Variants in SOS1 observed in about 807,000 individuals in gnomAD.
The protein encoded by SOS1 is SOS Ras/Rac guanine nucleotide exchange factor 1.
Under a neutral mutation model 157.6 loss-of-function variants are expected in SOS1, and 25 were observed. The ratio of observed to expected loss-of-function variants is 0.16; its 90% CI spans 0.12 to 0.22. The LOEUF is 0.22. Among genes scored for constraint, SOS1 ranks in the 10% least tolerant of loss-of-function variants. The probability of loss-of-function intolerance (pLI) is 1.00; values close to 1 mark genes in which losing one functional copy is unlikely to be tolerated. For synonymous variants in SOS1, 528 were observed against 534.0 expected (o/e 0.99, Z 0.16); for missense variants, 1,237 against 1,599.1 (o/e 0.77, Z 3.86).
At chr2:39,051,833 C>T (rs566242270) in intron 5 of SOS1, among the ~76,000 whole-genome samples, 4 of 152,218 alleles carry the variant, frequency 2.6e-5, no homozygotes, top group African/African-American at 7.2e-5. Context: ...TGTTGTGACA[C>T]ATTATTTCAA....
chr2:39,048,926 C>T (rs1480344561), intron 6 of SOS1, among the ~76,000 whole-genome samples: 1 of 152,028 alleles, frequency 6.6e-6, no homozygotes, highest in Non-Finnish European at 1.5e-5. Context: ...TCAGTGTATC[C>T]TTATTACTCT....
intron 1 of SOS1, among the ~76,000 whole-genome samples, chr2:39,096,103 T>G (rs540918075): frequency 6.6e-6 from 1 of 152,246 alleles, no homozygotes; most frequent in African/African-American, 2.4e-5. Flanking sequence ...TTTTAATAAT[T>G]CAGTAAGTAT....
Position 39,006,622 on chromosome 2 carries a change from AGT to A in SOS1, c.2674-95_2674-94del, listed in dbSNP as rs1669290935. The stretch of plus-strand genomic sequence containing the variant: ...GCTAACAGAAACGCCCAAATACAAC[AGT>A]ATCAATTTGATTTTATGACTGTAAC... On this transcript the variant is annotated intron_variant, in intron 16 of 22. Transcript: ENST00000402219. 18 of 749,806 alleles carry A rather than the reference AGT, an allele frequency of 2.4e-5. No individual in the cohort carries two copies. The South Asian group carries it at 2.6e-4, about 11-fold the overall frequency. The allele number at this position is 749,806 out of a possible 1,614,324, so 46.4% of individuals were successfully genotyped here.
chr2:39,120,424 G>A lies in SOS1; in HGVS notation c.-2C>T. The A allele has an allele frequency of 6.3e-7, 1 of 1,585,460 alleles. No individual in the cohort carries two copies. The highest frequency in any genetic ancestry group is 1.1e-5 in the South Asian group (1 of 88,302). On this transcript the variant is annotated 5_prime_UTR_variant, in exon 1 of 23. Transcript: ENST00000402219. ...GTAGGGCAGCTGCTGCGCCTGCATGGTGCCCCCGGGGCGCCTCTGGGCGGG... is the reference window on the plus strand; with the variant it reads ...GTAGGGCAGCTGCTGCGCCTGCATGATGCCCCCGGGGCGCCTCTGGGCGGG...
intron 10 of SOS1, among the ~76,000 whole-genome samples, chr2:39,020,229 T>C (rs986768665): frequency 8.6e-5 from 13 of 151,668 alleles, no homozygotes; most frequent in African/African-American, 2.9e-4. Context: ...TATAGCTCCA[T>C]TTTGTACATT....
chr2:39,020,668 A>G (rs1669768713), intron 10 of SOS1, among the ~76,000 whole-genome samples: 1 of 151,750 alleles, frequency 6.6e-6, no homozygotes, highest in East Asian at 1.9e-4. Flanking sequence ...AGTCCATTTC[A>G]GTTTTACAAG....
At chr2:39,116,893 C>T (rs1455274167) in intron 1 of SOS1, among the ~76,000 whole-genome samples, 1 of 152,098 alleles carries the variant, frequency 6.6e-6, no homozygotes, top group Non-Finnish European at 1.5e-5. Context: ...TCAATGGCTT[C>T]TAATTACCCA....
chr2:39,018,404 C>CT (rs777213142), intron 10 of SOS1, among the ~76,000 whole-genome samples: 2 of 151,764 alleles, frequency 1.3e-5, no homozygotes, highest in Non-Finnish European at 2.9e-5. Context: ...TCACTAGTTG[C>CT]TCTGCTTCCC....
At chr2:39,108,651 G>A (rs935284536) in intron 1 of SOS1, among the ~76,000 whole-genome samples, 3 of 152,142 alleles carry the variant, frequency 2.0e-5, no homozygotes, top group Non-Finnish European at 4.4e-5. Flanking sequence ...TGCTTTGGGA[G>A]GCCAAGGCAG....
At chr2:39,083,980 C>A (rs1264603895) in intron 1 of SOS1, among the ~76,000 whole-genome samples, 1 of 152,030 alleles carries the variant, frequency 6.6e-6, no homozygotes, top group Non-Finnish European at 1.5e-5. Flanking sequence ...TAGGGTAGGC[C>A]TGAATCCAAT....
chr2:39,003,478 G>C (rs187432917), intron 17 of SOS1, among the ~76,000 whole-genome samples: 1 of 152,104 alleles, frequency 6.6e-6, no homozygotes, highest in African/African-American at 2.4e-5. Context: ...TATGTAAGGC[G>C]TAACATAGAA....
intron 2 of SOS1, among the ~76,000 whole-genome samples, chr2:39,065,324 G>A (rs141465237): frequency 6.6e-6 from 1 of 152,150 alleles, no homozygotes; most frequent in Non-Finnish European, 1.5e-5. Flanking sequence ...CCACTGTGGT[G>A]GTATTAAGAG....
At chr2:39,120,200 G>A (rs1014709576) in intron 1 of SOS1, 136 bp downstream of exon 1, 3 of 727,894 alleles carry the variant, frequency 4.1e-6, no homozygotes, top group Non-Finnish European at 6.0e-6. Flanking sequence ...GGGCCTCTCC[G>A]TGTGCGCCGT....
chr2:39,007,202 A>T lies in SOS1; in HGVS notation c.2511-9T>A, dbSNP rs769427441. ...CAGTTTCTACAATACATCTGGGAAT[A>T]AAAAAAAAGTGAACTAAAGGTTTTA... On this transcript the variant is annotated splice_polypyrimidine_tract_variant and intron_variant, in intron 15 of 22. Coordinates refer to ENST00000402219, the MANE Select transcript of SOS1 (RefSeq NM_005633.4). 1.7e-5 allele frequency: 25 copies of T among 1,453,058 alleles called. No homozygotes were observed. Among genetic ancestry groups the T allele is most frequent in the Non-Finnish European group, 2.3e-5 (24 of 1,039,068 alleles). The allele number at this position is 1,453,058 out of a possible 1,614,324, so 90.0% of individuals were successfully genotyped here.
rs780536002 is a variant in SOS1 at position 38,986,138 on chromosome 2, G to A, written c.3688C>T (p.Pro1230Ser). The A allele has an allele frequency of 1.2e-6, 2 of 1,613,694 alleles. No homozygotes were observed. Among genetic ancestry groups the A allele is most frequent in the Non-Finnish European group, 1.7e-6 (2 of 1,179,878 alleles). The change falls in exon 23 of 23, where the codon CCA becomes TCA. Residue 1230 changes from proline to serine, a missense_variant. This residue lies in a region of SOS1 where 306 missense variants were observed against 322.6 expected (regional missense o/e 0.95). Transcript: ENST00000402219. ...AAAGGGGGAGGTTGGAGATGTAGTG[G>A]TGAGCTTGAGAAAACATCAGGTGTC... ...VRTPDVFSSSPLHLQPPPLGK... is the reference protein window; with the variant it reads ...VRTPDVFSSSSLHLQPPPLGK...
At chr2:39,061,155 T>C (rs1369413195) in intron 2 of SOS1, among the ~76,000 whole-genome samples, 1 of 150,966 alleles carries the variant, frequency 6.6e-6, no homozygotes, top group Non-Finnish European at 1.5e-5. Flanking sequence ...CATTTTAAAC[T>C]TACTTACAAG....
At chr2:39,087,590 T>G (rs1162647866) in intron 1 of SOS1, among the ~76,000 whole-genome samples, 1 of 152,232 alleles carries the variant, frequency 6.6e-6, no homozygotes, top group Non-Finnish European at 1.5e-5. Context: ...CTCCAAAGTC[T>G]CAAGCGTCTC....
At chr2:39,067,855 A>C in intron 1 of SOS1, 102 bp from the exon 2 acceptor site, 6 of 971,932 alleles carry the variant, frequency 6.2e-6, no homozygotes, top group Non-Finnish European at 9.7e-6. Flanking sequence ...ACGGTGGCTC[A>C]TGCCTGTAAT....
intron 4 of SOS1, among the ~76,000 whole-genome samples, chr2:39,055,288 C>G (rs1671174437): frequency 6.6e-6 from 1 of 152,282 alleles, no homozygotes; most frequent in South Asian, 2.1e-4. Context: ...TGTTACTACT[C>G]TTGCTACAAC....
Sources: gnomAD v4.1 joint callset for allele counts (sites outside exome capture counted in the v4.1 genomes callset) on GRCh38, gnomAD v4.1.1 for gene constraint, gnomAD v4.1.1 regional missense constraint, MANE v1.5 for transcripts, NCBI Gene and HGNC (gene_info 2026-07-23, HGNC 2026-07-21) for gene names.